The following DCLRE1A variants were observed in gnomAD, a reference collection of about 807,000 sequenced individuals.
The protein encoded by DCLRE1A is DNA cross-link repair 1A protein.
A neutral mutation model predicts 91.9 loss-of-function variants in DCLRE1A; 64 were observed. The observed-to-expected ratio is 0.70, with a 90% CI of 0.57 to 0.86. DCLRE1A has a LOEUF of 0.86. Ranked by LOEUF, DCLRE1A falls within the 40% of genes least tolerant of loss-of-function variation. The pLI is 0.00. For missense variants in DCLRE1A, 1,145 were observed against 1,213.3 expected (o/e 0.94, Z 0.84); for synonymous variants, 416 against 431.1 (o/e 0.96, Z 0.43).
Position 113,841,659 on chromosome 10 carries a change from G to C in DCLRE1A, c.2666-99C>G, listed in dbSNP as rs1164695170. On this transcript the variant is annotated intron_variant, in intron 6 of 8. Coordinates refer to ENST00000361384, the MANE Select transcript of DCLRE1A (RefSeq NM_014881.5). ...TAAGGTAAGAATTTACCAAATAAAA[G>C]GAAATTCAAAACATTCACACTTTTA... The C allele has an allele frequency of 5.5e-6, 7 of 1,276,680 alleles. 1 individual carries two copies. The Admixed American group carries it at 1.1e-4, about 20-fold the overall frequency. The allele number at this position is 1,276,680 out of a possible 1,614,324, so 79.1% of individuals were successfully genotyped here.
rs1227033738 is a variant in DCLRE1A at position 113,849,242 on chromosome 10, C to G, written c.1863G>C (p.Gln621His). ...EFDASTLHESQLSVELSSERS... is the reference protein window; with the variant it reads ...EFDASTLHESHLSVELSSERS... The stretch of plus-strand genomic sequence containing the variant: ...TCTCACTAGAAAGTTCCACAGAAAG[C>G]TGACTCTCATGTAAAGTACTTGCAT... Residue 621 changes from glutamine to histidine, a missense_variant, in exon 2 of 9, where the codon CAG becomes CAC. By Grantham distance (24) the Gln-to-His change is conservative (BLOSUM62 0). Coordinates refer to ENST00000361384, the MANE Select transcript of DCLRE1A (RefSeq NM_014881.5). 4 of 1,614,112 alleles carry G rather than the reference C, an allele frequency of 2.5e-6. No homozygotes were observed. Among genetic ancestry groups the G allele is most frequent in the Admixed American group, 3.3e-5 (2 of 60,016 alleles).
intron 2 of DCLRE1A, among the ~76,000 whole-genome samples, chr10:113,848,762 A>G (rs925317318): frequency 6.6e-6 from 1 of 152,140 alleles, no homozygotes; most frequent in Non-Finnish European, 1.5e-5. Flanking sequence ...ACTTACATAG[A>G]GGGCATGTTT....
chr10:113,835,429 A>G (rs1052195885), intron 8 of DCLRE1A, 117 bp from the exon 9 acceptor site: 45 of 1,055,886 alleles, frequency 4.3e-5, no homozygotes, highest in Non-Finnish European at 5.7e-5. Context: ...ATTTTTGTCA[A>G]AAACCCCTCA....
At position 113,849,426 on chromosome 10, in the gene DCLRE1A, C is replaced by T. The variant is rs1228720094; in HGVS notation, c.1679G>A (p.Gly560Asp). The change falls in exon 2 of 9, where the codon GGT becomes GAT. Residue 560 changes from glycine (G) to aspartate (D), a missense_variant. Gly to Asp is a moderately conservative substitution (Grantham distance 94). Transcript: ENST00000361384. ...STKVMKQMDI[G>D]VYFGLPPKRK... ...TTTGGGAGGTAGTCCAAAATACACA[C>T]CTATATCCATTTGCTTCATTACCTT... 2 of 1,614,098 alleles carry T rather than the reference C, an allele frequency of 1.2e-6. No homozygotes were observed. Among genetic ancestry groups the T allele is most frequent in the Non-Finnish European group, 8.5e-7 (1 of 1,179,990 alleles).
intron 7 of DCLRE1A, among the ~76,000 whole-genome samples, chr10:113,840,570 A>G (rs1845430753): frequency 6.6e-6 from 1 of 152,136 alleles, no homozygotes; most frequent in African/African-American, 2.4e-5. Context: ...CTCCCTGTCC[A>G]TTAAAACATA....
Position 113,849,751 on chromosome 10 carries a change from C to T in DCLRE1A, c.1354G>A (p.Val452Ile). 1 of 1,614,144 alleles carries T rather than the reference C, an allele frequency of 6.2e-7. No homozygotes were observed. The highest frequency in any genetic ancestry group is 1.1e-5 in the South Asian group (1 of 91,082). The stretch of plus-strand genomic sequence containing the variant: ...AACGGAAGAGAAACTTGATTGTAAA[C>T]AGATGATTCTTCAATTACCTGTTTC... ...KQKQVIEESS[V>I]YNQVSLPLVK... is the part of the protein sequence containing the mutation. Residue 452 changes from valine (V) to isoleucine (I), a missense_variant, in exon 2 of 9, where the codon GTT becomes ATT. Coordinates refer to ENST00000361384, the MANE Select transcript of DCLRE1A (RefSeq NM_014881.5).
At position 113,853,151 on chromosome 10, in the gene DCLRE1A, CAAATGTCTTCTTCGG is replaced by C. The variant is rs1409784397; in HGVS notation, c.17_31del (p.Ser6_Ile10del). ...TGGTTTTCTTTTAGATTTGTATTCC[CAAATGTCTTCTTCGG>C]AAATGTCTTCTAACATGGCAAAATG... On this transcript the variant is annotated inframe_deletion, in exon 1 of 9. Transcript: ENST00000361384. 6.3e-7 allele frequency: 1 copy of C among 1,578,734 alleles called. No homozygotes were observed. Among genetic ancestry groups the C allele is most frequent in the Non-Finnish European group, 8.6e-7 (1 of 1,169,192 alleles).
Position 113,841,580 on chromosome 10 carries a change from T to C in DCLRE1A, c.2666-20A>G. 1.3e-6 allele frequency: 2 copies of C among 1,581,572 alleles called. No individual in the cohort carries two copies. Among genetic ancestry groups the C allele is most frequent in the East Asian group, 2.3e-5 (1 of 44,046 alleles). ...CAATGGCTATGGGCAAAAGAAAAGA[T>C]TAAAAATAGTAAACTTACAGCTTGT... On this transcript the variant is annotated intron_variant, in intron 6 of 8. Coordinates refer to ENST00000361384, the MANE Select transcript of DCLRE1A (RefSeq NM_014881.5).
At chr10:113,854,381 C>T (rs113726943), upstream of DCLRE1A, 2 of 152,628 alleles carry the variant, frequency 1.3e-5, no homozygotes, top group African/African-American at 2.4e-5. Flanking sequence ...GAACAAGTTC[C>T]CGCTGCCAGT....
At chr10:113,845,081 CT>C (rs1845511091) in intron 4 of DCLRE1A, among the ~76,000 whole-genome samples, 1 of 151,976 alleles carries the variant, frequency 6.6e-6, no homozygotes, top group Non-Finnish European at 1.5e-5. Flanking sequence ...TTCTCTTCAT[CT>C]ATGACCTCTA....
intron 6 of DCLRE1A, 117 bp downstream of exon 6, chr10:113,842,226 T>C (rs1486750694): frequency 2.3e-5 from 21 of 898,748 alleles, no homozygotes; most frequent in Non-Finnish European, 3.1e-5. Flanking sequence ...AAAGGTAATA[T>C]TGAATCATTA....
rs550203655 is a variant in DCLRE1A, at chr10:113,849,823, C to T, written c.1282G>A (p.Ala428Thr). The change falls in exon 2 of 9, where the codon GCA (alanine) becomes ACA (threonine). Residue 428 changes from alanine to threonine, a missense_variant. Physicochemically the swap from Ala to Thr is moderately conservative, Grantham distance 58 (BLOSUM62 0). Transcript: ENST00000361384. The stretch of plus-strand genomic sequence containing the variant: ...TGAAATTCTGGCTCATCAGGTTTTG[C>T]TTTAGTTGCCTGATGAACAGAAGCA... The part of the protein sequence containing the change: ...LAASVHQATK[A>T]KPDEPEFHSA... The T allele has an allele frequency of 6.2e-6, 10 of 1,614,084 alleles. No homozygotes were observed. The highest frequency in any genetic ancestry group is 1.7e-5 in the Admixed American group (1 of 60,012).
intron 2 of DCLRE1A, among the ~76,000 whole-genome samples, chr10:113,848,298 C>CA (rs1294835978): frequency 6.6e-6 from 1 of 151,966 alleles, no homozygotes; most frequent in African/African-American, 2.4e-5. Context: ...GCCTAGGCGA[C>CA]AGAGCGAGAC....
chr10:113,848,040 T>G (rs1845568274), intron 2 of DCLRE1A, among the ~76,000 whole-genome samples: 1 of 152,136 alleles, frequency 6.6e-6, no homozygotes. Context: ...TTGGCCGGGC[T>G]CGGTGGCTCA....
Position 113,852,959 on chromosome 10 carries a change from G to A in DCLRE1A, c.224C>T (p.Ser75Phe). 2.5e-6 allele frequency: 4 copies of A among 1,614,186 alleles called. No individual in the cohort carries two copies. Among genetic ancestry groups the A allele is most frequent in the Non-Finnish European group, 3.4e-6 (4 of 1,180,028 alleles). The change falls in exon 1 of 9, where the codon TCT becomes TTT. Residue 75 changes from serine to phenylalanine, a missense_variant. Ser to Phe is a radical substitution (Grantham distance 155). Transcript: ENST00000361384. The stretch of plus-strand genomic sequence containing the variant: ...ACTTGAATTCTGACTAGAAGCAACA[G>A]AAGTCTGACAACCTGCATTTCCAAG... ...VPLGNAGCQTSVASSQNSSCG... is the reference protein window; with the variant it reads ...VPLGNAGCQTFVASSQNSSCG...
chr10:113,836,009 C>A (rs1029597817), intron 8 of DCLRE1A, among the ~76,000 whole-genome samples: 1 of 152,054 alleles, frequency 6.6e-6, no homozygotes, highest in Admixed American at 6.5e-5. Context: ...GGCACTTCCC[C>A]CTTTGTGCTC....
Position 113,837,068 on chromosome 10 carries a change from T to C in DCLRE1A, c.2956A>G (p.Ile986Val). ...GAAAATTTAATAACTATACCATATATTGAAATGTTTCCTTTGGTCTGGGGA... is the reference window on the plus strand; with the variant it reads ...GAAAATTTAATAACTATACCATATACTGAAATGTTTCCTTTGGTCTGGGGA... ...VIPQTKGNISIYGIPYSEHSS... is the reference protein window; with the variant it reads ...VIPQTKGNISVYGIPYSEHSS... Residue 986 changes from isoleucine to valine, a missense_variant, in exon 8 of 9, where the codon ATA (isoleucine) becomes GTA (valine). By Grantham distance (29) the Ile-to-Val change is conservative. Coordinates refer to ENST00000361384, the MANE Select transcript of DCLRE1A (RefSeq NM_014881.5). The C allele has an allele frequency of 6.2e-7, 1 of 1,604,298 alleles. No homozygotes were observed. The highest frequency in any genetic ancestry group is 8.5e-7 in the Non-Finnish European group (1 of 1,176,200).
rs540834109 is a variant in DCLRE1A, at chr10:113,848,857, A to G, written c.2125+123T>C. The G allele has an allele frequency of 8.4e-6, 8 of 951,414 alleles. No homozygotes were observed. The East Asian group carries it at 1.9e-4, about 23-fold the overall frequency. The allele number at this position is 951,414 out of a possible 1,614,324, so 58.9% of individuals were successfully genotyped here. A position where few individuals can be genotyped will look rare whatever the true frequency, so the allele number is the denominator to read the frequency against. ...ACGTTAGAGGCTCATGAAGTATCAC[A>G]AAAGCAAAGGAAACACATACAAAAA... On this transcript the variant is annotated intron_variant, in intron 2 of 8. Coordinates refer to ENST00000361384, the MANE Select transcript of DCLRE1A (RefSeq NM_014881.5).
In DCLRE1A at chr10:113,837,078, T is replaced by A; in HGVS notation, c.2946A>T (p.Gly982=). The part of the protein sequence containing the change: ...RIADVIPQTK[G]NISIYGIPYS... ...TAACTATACCATATATTGAAATGTTTCCTTTGGTCTGGGGAATAACATCTG... is the reference window on the plus strand; with the variant it reads ...TAACTATACCATATATTGAAATGTTACCTTTGGTCTGGGGAATAACATCTG... The change falls in exon 8 of 9, where the codon GGA becomes GGT. Residue 982 remains glycine (G), a synonymous_variant. Coordinates refer to ENST00000361384, the MANE Select transcript of DCLRE1A (RefSeq NM_014881.5). 6.2e-7 allele frequency: 1 copy of A among 1,606,870 alleles called. No individual in the cohort carries two copies. Among genetic ancestry groups the A allele is most frequent in the South Asian group, 1.1e-5 (1 of 89,410 alleles).
Sources: allele counts gnomAD v4.1 joint callset (sites outside exome capture counted in the v4.1 genomes callset), GRCh38; gene constraint gnomAD v4.1.1; transcripts MANE v1.5; gene names NCBI Gene and HGNC (gene_info 2026-07-23, HGNC 2026-07-21).